Variants in LGALS1 observed in about 807,000 individuals in gnomAD.
LGALS1 encodes the protein galectin-1.
In LGALS1, 14 loss-of-function variants were observed where a neutral mutation model predicts 14.4. The ratio of observed to expected loss-of-function variants is 0.97; its 90% confidence interval spans 0.64 to 1.52. The LOEUF (loss-of-function observed/expected upper bound fraction) is 1.52, where lower values mean the gene tolerates loss of function less well. Ranked by LOEUF, LGALS1 falls within the 40% of genes most tolerant of loss-of-function variation. The probability of loss-of-function intolerance (pLI) is 0.00; values close to 1 mark genes in which losing one functional copy is unlikely to be tolerated. For missense variants in LGALS1, 170 were observed against 181.4 expected (o/e 0.94, Z 0.36); for synonymous variants, 71 against 73.4 (o/e 0.97, Z 0.17).
rs1201623016 is a variant in LGALS1 at position 37,679,780 on chromosome 22, C to T, written c.*31C>T. 35 of 1,560,540 alleles carry T rather than the reference C, an allele frequency of 2.2e-5. No individual in the cohort carries two copies. Among genetic ancestry groups the T allele is most frequent in the Non-Finnish European group, 3.0e-5 (34 of 1,148,886 alleles). On this transcript the variant is annotated 3_prime_UTR_variant, in exon 4 of 4. Transcript: ENST00000215909. ...GCCAGCCCATGGCCCCCAATAAAGG[C>T]AGCTGCCTCTGCTCCCTCTGAACCA... is the stretch of plus-strand genomic sequence containing the variant.
intron 2 of LGALS1, 178 bp downstream of exon 2, chr22:37,677,243 C>T (rs1921464250): frequency 1.6e-6 from 1 of 618,162 alleles, no homozygotes; most frequent in Admixed American, 2.8e-5. Flanking sequence ...CCACCGTTGC[C>T]GCCCCCTCCC....
intron 1 of LGALS1, 64 bp from the exon 2 acceptor site, chr22:37,676,922 C>A (rs750909706): frequency 6.4e-7 from 1 of 1,568,626 alleles, no homozygotes; most frequent in Non-Finnish European, 8.8e-7. Context: ...CAGCCACCCC[C>A]GGACACTTCG....
At chr22:37,675,991 A>G (rs1410234987) in intron 1 of LGALS1, 5 of 359,726 alleles carry the variant, frequency 1.4e-5, no homozygotes, top group Non-Finnish European at 2.0e-5. Context: ...CTGAGAAGTG[A>G]GCGTGGGAAG....
chr22:37,679,410 G>A (rs368175364), intron 3 of LGALS1, among the ~76,000 whole-genome samples, 193 bp from the exon 4 acceptor site: 1 of 149,478 alleles, frequency 6.7e-6, no homozygotes, highest in East Asian at 2.0e-4. Flanking sequence ...CAGCCTGGGC[G>A]ACAGAGGAGA....
At chr22:37,676,910 C>G (rs1251200511) in intron 1 of LGALS1, 76 bp from the exon 2 acceptor site, 1 of 1,517,090 alleles carries the variant, frequency 6.6e-7, no homozygotes, top group Admixed American at 1.7e-5. Flanking sequence ...CACTCCCACC[C>G]CCAGCCACCC....
At chr22:37,677,488 A>T (rs368873206) in intron 2 of LGALS1, 1 of 189,132 alleles carries the variant, frequency 5.3e-6, no homozygotes, top group South Asian at 7.9e-5. Context: ...TTCACTTCTC[A>T]TTCACTCAGA....
chr22:37,677,081 G>A lies in LGALS1; in HGVS notation c.89+16G>A. On this transcript the variant is annotated intron_variant, in intron 2 of 3. Coordinates refer to ENST00000215909, the MANE Select transcript of LGALS1 (RefSeq NM_002305.4). ...ACGCTAAGAGGTGAGAAGTGAAGTC[G>A]GGGTGGTGGGCGGCAGGGACGGGCT... is the stretch of plus-strand genomic sequence containing the variant. 1.2e-6 allele frequency: 2 copies of A among 1,612,962 alleles called. No individual in the cohort carries two copies. The highest frequency in any genetic ancestry group is 1.7e-6 in the Non-Finnish European group (2 of 1,179,272).
In LGALS1 at chr22:37,676,982, G is replaced by GCA; in HGVS notation, c.10-3_10-2dup. The GCA allele has an allele frequency of 1.9e-6, 3 of 1,614,080 alleles. No homozygotes were observed. The highest frequency in any genetic ancestry group is 2.5e-6 in the Non-Finnish European group (3 of 1,180,012). ...CCCGGCTGGGCCGGGGCTTGTCTGT[G>GCA]CAGGGTCTGGTCGCCAGCAACCTGA... On this transcript the variant is annotated splice_polypyrimidine_tract_variant and splice_region_variant and intron_variant, in intron 1 of 3. Coordinates refer to ENST00000215909, the MANE Select transcript of LGALS1 (RefSeq NM_002305.4).
rs1921467010 is a variant in LGALS1 at position 37,677,283 on chromosome 22, C to T, written c.89+218C>T. ...TCCCTCCCTGCTGTAGCCTCTTAAA[C>T]TAAACCAGCTGCAGCCTCGTCATCT... is the stretch of plus-strand genomic sequence containing the variant. On this transcript the variant is annotated intron_variant, in intron 2 of 3. Coordinates refer to ENST00000215909, the MANE Select transcript of LGALS1 (RefSeq NM_002305.4). The T allele has an allele frequency of 8.7e-6, 5 of 575,324 alleles. No homozygotes were observed. In the South Asian group the frequency reaches 9.9e-5, roughly 11 times the overall value. The allele number at this position is 575,324 out of a possible 1,614,324, so 35.6% of individuals were successfully genotyped here. A position where few individuals can be genotyped will look rare whatever the true frequency, so the allele number is the denominator to read the frequency against.
chr22:37,677,355 G>A (rs1386765624), intron 2 of LGALS1: 1 of 415,520 alleles, frequency 2.4e-6, no homozygotes, highest in East Asian at 5.0e-5. Context: ...GTCTGGGCGG[G>A]ACCTGTCGCT....
intron 2 of LGALS1, 179 bp downstream of exon 2, chr22:37,677,244 G>A: frequency 1.6e-6 from 1 of 616,506 alleles, no homozygotes; most frequent in Non-Finnish European, 2.9e-6. Flanking sequence ...CACCGTTGCC[G>A]CCCCCTCCCC....
At chr22:37,679,070 G>A (rs949957246) in intron 3 of LGALS1, among the ~76,000 whole-genome samples, 4 of 150,352 alleles carry the variant, frequency 2.7e-5, no homozygotes, top group African/African-American at 9.9e-5. Flanking sequence ...GGCGGAGGTT[G>A]CAGTGAGCCG....
intron 3 of LGALS1, 84 bp from the exon 4 acceptor site, chr22:37,679,519 G>T: frequency 1.6e-6 from 2 of 1,252,748 alleles, no homozygotes; most frequent in Non-Finnish European, 1.1e-6. Flanking sequence ...CACAAACTGG[G>T]GCTGTGTCAG....
intron 1 of LGALS1, 47 bp from the exon 2 acceptor site, chr22:37,676,939 G>A (rs1166131028): frequency 1.2e-6 from 2 of 1,602,472 alleles, no homozygotes; most frequent in African/African-American, 2.7e-5. Context: ...TTCGAGCAGT[G>A]GAGGCCTTGT....
chr22:37,676,925 A>G, intron 1 of LGALS1, 61 bp from the exon 2 acceptor site: 2 of 1,539,906 alleles, frequency 1.3e-6, no homozygotes, highest in South Asian at 2.2e-5. Context: ...CCACCCCCGG[A>G]CACTTCGAGC....
At chr22:37,677,397 T>G in intron 2 of LGALS1, 1 of 332,344 alleles carries the variant, frequency 3.0e-6, no homozygotes, top group Non-Finnish European at 5.7e-6. Flanking sequence ...GGGGCGGGCG[T>G]CACCGCCGCC....
At chr22:37,676,917 A>AC (rs1921447873) in intron 1 of LGALS1, 69 bp from the exon 2 acceptor site, 1 of 1,438,320 alleles carries the variant, frequency 7.0e-7, no homozygotes, top group Non-Finnish European at 9.7e-7. Context: ...ACCCCCAGCC[A>AC]CCCCCGGACA....
intron 1 of LGALS1, 25 bp downstream of exon 1, chr22:37,675,736 G>A (rs962440750): frequency 1.3e-6 from 2 of 1,527,908 alleles, no homozygotes; most frequent in South Asian, 2.4e-5. Flanking sequence ...CCCCCCCCAA[G>A]GTCCAGGGGA....
At chr22:37,679,484 A>G in intron 3 of LGALS1, 119 bp from the exon 4 acceptor site, 5 of 820,468 alleles carry the variant, frequency 6.1e-6, no homozygotes, top group Non-Finnish European at 6.8e-6. Flanking sequence ...AAAAAATATT[A>G]TAAATGTACC....
Sources: gnomAD v4.1 joint callset for allele counts (sites outside exome capture counted in the v4.1 genomes callset) on GRCh38, gnomAD v4.1.1 for gene constraint, MANE v1.5 for transcripts, NCBI Gene and HGNC (gene_info 2026-07-23, HGNC 2026-07-21) for gene names.